The following LRRTM3 variants were observed in gnomAD, a reference collection of about 807,000 sequenced individuals.
The protein encoded by LRRTM3 is leucine-rich repeat transmembrane neuronal protein 3.
A neutral mutation model predicts 44.7 loss-of-function variants in LRRTM3; 24 were observed. The ratio of observed to expected loss-of-function variants is 0.54; its 90% confidence interval spans 0.39 to 0.76. The LOEUF (loss-of-function observed/expected upper bound fraction) is 0.76, where lower values mean the gene tolerates loss of function less well. Ranked by LOEUF, LRRTM3 falls within the 30% of genes least tolerant of loss-of-function variation. The pLI, the probability that LRRTM3 is intolerant of heterozygous loss-of-function variation, is 0.00. For missense variants in LRRTM3, 587 were observed against 702.2 expected (o/e 0.84, Z 1.85); for synonymous variants, 277 against 278.7 (o/e 0.99, Z 0.06).
chr10:67,019,059 T>C (rs1355057580), intron 2 of LRRTM3, among the ~76,000 whole-genome samples: 3 of 152,200 alleles, frequency 2.0e-5, no homozygotes, highest in Non-Finnish European at 2.9e-5. Flanking sequence ...ATGAATACAG[T>C]GCCTGCACTT....
At chr10:66,981,926 AG>A (rs1850465846) in intron 2 of LRRTM3, among the ~76,000 whole-genome samples, 2 of 152,208 alleles carry the variant, frequency 1.3e-5, no homozygotes, top group Admixed American at 1.3e-4. Flanking sequence ...TGAAATCCAC[AG>A]GAAGCTCCCA....
At chr10:67,039,901 A>G (rs1210518139) in intron 2 of LRRTM3, among the ~76,000 whole-genome samples, 1 of 152,112 alleles carries the variant, frequency 6.6e-6, no homozygotes, top group Non-Finnish European at 1.5e-5. Context: ...CTGAATTTCT[A>G]TGTCTTAGAA....
intron 2 of LRRTM3, among the ~76,000 whole-genome samples, chr10:66,999,091 C>T (rs1318566374): frequency 6.6e-6 from 1 of 151,960 alleles, no homozygotes; most frequent in Non-Finnish European, 1.5e-5. Flanking sequence ...AATTGGAACA[C>T]TATAGAAACA....
chr10:67,024,640 G>A (rs1853239885), intron 2 of LRRTM3, among the ~76,000 whole-genome samples: 2 of 152,094 alleles, frequency 1.3e-5, no homozygotes, highest in Admixed American at 6.5e-5. Context: ...ATGCAAATGG[G>A]TGTAACCAGC....
intron 2 of LRRTM3, among the ~76,000 whole-genome samples, chr10:67,074,109 C>T (rs570387319): frequency 5.6e-4 from 80 of 142,888 alleles, no homozygotes; most frequent in Middle Eastern, 7.8e-3. Context: ...CATCTTGGCT[C>T]ATTACAACCT....
intron 2 of LRRTM3, among the ~76,000 whole-genome samples, chr10:66,964,277 C>CT (rs566704978): frequency 2.3e-3 from 316 of 140,070 alleles, no homozygotes; most frequent in East Asian, 4.2e-3. Context: ...AAGAGCAGGT[C>CT]TTTTTTTTTT....
chr10:67,046,623 GA>G (rs146158145), intron 2 of LRRTM3, among the ~76,000 whole-genome samples: 10 of 150,958 alleles, frequency 6.6e-5, no homozygotes, highest in South Asian at 4.2e-4. Flanking sequence ...AAGACTTCAG[GA>G]AAAAAAAATG....
rs569538975 is a variant in LRRTM3 at position 67,011,451 on chromosome 10, A to G, written c.1536+82999A>G. On this transcript the variant is annotated intron_variant, in intron 2 of 2. Coordinates refer to ENST00000361320, the MANE Select transcript of LRRTM3 (RefSeq NM_178011.5). ...AGTGAAAAAACAGAAATTTACCCAT[A>G]GAGTGCAATTAGGAAGCCAGAAAGT... Among the ~76,000 whole-genome samples the G allele has an allele frequency of 9.2e-5, 14 of 152,200 alleles. No individual in the cohort carries two copies. In the East Asian group the frequency reaches 2.7e-3, roughly 29 times the overall value.
At chr10:67,062,722 A>G (rs1353709180) in intron 2 of LRRTM3, among the ~76,000 whole-genome samples, 1 of 152,184 alleles carries the variant, frequency 6.6e-6, no homozygotes, top group Admixed American at 6.5e-5. Flanking sequence ...CCTGGAAGCT[A>G]CACTCCCAGA....
chr10:67,002,993 T>C (rs556329366), intron 2 of LRRTM3, among the ~76,000 whole-genome samples: 2 of 152,292 alleles, frequency 1.3e-5, no homozygotes, highest in South Asian at 2.1e-4. Context: ...ATTCATCAGA[T>C]GCAGTATTGC....
chr10:66,965,999 T>G (rs1849391615), intron 2 of LRRTM3, among the ~76,000 whole-genome samples: 1 of 152,158 alleles, frequency 6.6e-6, no homozygotes, highest in Non-Finnish European at 1.5e-5. Flanking sequence ...ATAAAGGCAG[T>G]GTATAGAACT....
At chr10:67,068,035 C>G (rs923880380) in intron 2 of LRRTM3, among the ~76,000 whole-genome samples, 32 of 152,236 alleles carry the variant, frequency 2.1e-4, no homozygotes, top group African/African-American at 7.5e-4. Context: ...TAAAGAACAT[C>G]CTAGTAAGAG....
intron 2 of LRRTM3, among the ~76,000 whole-genome samples, chr10:66,959,990 C>G (rs1849029279): frequency 6.6e-6 from 1 of 152,074 alleles, no homozygotes; most frequent in Non-Finnish European, 1.5e-5. Context: ...CTAGTCTGTA[C>G]TGAGTTTATA....
chr10:67,021,873 G>A (rs1042949287), intron 2 of LRRTM3, among the ~76,000 whole-genome samples: 1 of 152,180 alleles, frequency 6.6e-6, no homozygotes, highest in African/African-American at 2.4e-5. Context: ...AGTACTAGGA[G>A]TTTGAAGGGA....
At chr10:66,964,885 C>T (rs1849316232) in intron 2 of LRRTM3, among the ~76,000 whole-genome samples, 1 of 152,040 alleles carries the variant, frequency 6.6e-6, no homozygotes, top group Admixed American at 6.6e-5. Flanking sequence ...AAAATTAAAC[C>T]CTGACTAATG....
At chr10:66,977,907 C>A (rs1164211363) in intron 2 of LRRTM3, among the ~76,000 whole-genome samples, 4 of 151,996 alleles carry the variant, frequency 2.6e-5, no homozygotes, top group African/African-American at 9.7e-5. Flanking sequence ...ATGTAAGTAT[C>A]CTTGTTTAAT....
intron 2 of LRRTM3, among the ~76,000 whole-genome samples, chr10:67,050,174 G>T (rs1490476242): frequency 6.6e-6 from 1 of 152,198 alleles, no homozygotes; most frequent in Non-Finnish European, 1.5e-5. Context: ...CATGCAGAAT[G>T]CATGTAGAAC....
chr10:67,076,368 A>C (rs900763974), intron 2 of LRRTM3, among the ~76,000 whole-genome samples: 6 of 152,248 alleles, frequency 3.9e-5, no homozygotes, highest in African/African-American at 4.8e-5. Context: ...CAGCTTGTTC[A>C]AGGTCACTTT....
intron 2 of LRRTM3, among the ~76,000 whole-genome samples, chr10:66,931,062 G>C (rs1284504977): frequency 6.6e-6 from 1 of 151,870 alleles, no homozygotes; most frequent in Non-Finnish European, 1.5e-5. Flanking sequence ...GGTACTTTCT[G>C]GACTACATAT....
Sources: gnomAD v4.1 joint callset for allele counts (sites outside exome capture counted in the v4.1 genomes callset) on GRCh38, gnomAD v4.1.1 for gene constraint, MANE v1.5 for transcripts, NCBI Gene and HGNC (gene_info 2026-07-23, HGNC 2026-07-21) for gene names.